GLRA2: variants seen among roughly 807,000 people sequenced by gnomAD.
GLRA2 encodes the protein glycine receptor alpha 2.
GLRA2 carries 11 observed loss-of-function variants against 31.6 expected under a neutral mutation model. The observed-to-expected ratio is 0.35, with a 90% CI of 0.22 to 0.58. The LOEUF is 0.58. GLRA2 is among the 20% of genes least tolerant of loss of function. GLRA2 has a pLI of 0.84. For synonymous variants in GLRA2, 132 were observed against 134.0 expected, an observed-to-expected ratio of 0.99 and a Z score of 0.10; for missense variants, 212 against 351.8, an observed-to-expected ratio of 0.60 and a Z score of 3.18.
the GLRA2 span, among the ~76,000 whole-genome samples, chrX:14,472,553 T>A: frequency 9.0e-6 from 1 of 111,017 alleles, no homozygotes; most frequent in Non-Finnish European, 1.9e-5. Flanking sequence ...TAGGCCCCAG[T>A]GTGTGTTGTT....
rs1216386335 is a variant in GLRA2 at position 14,669,891 on chromosome X, A to C, written c.931-20819A>C. 8.0e-5 allele frequency among the ~76,000 whole-genome samples: 9 copies of C among 112,733 alleles called. No individual in the cohort carries two copies. The East Asian group carries it at 2.5e-3, about 32-fold the overall frequency. ...CCCCTCGACTTATGCAGATTTCTGC[A>C]GACAGCTTGAATTTCTCCTCAGAAA... On this transcript the variant is annotated intron_variant, in intron 7 of 8. Transcript: ENST00000218075.
chrX:14,471,280 A>G, the GLRA2 span, among the ~76,000 whole-genome samples: 1 of 111,986 alleles, frequency 8.9e-6, no homozygotes, highest in Non-Finnish European at 1.9e-5. Flanking sequence ...GGTGATAGAA[A>G]ACCATAACAG....
At chrX:14,644,226 G>C (rs1236288357) in intron 7 of GLRA2, among the ~76,000 whole-genome samples, 4 of 111,482 alleles carry the variant, frequency 3.6e-5, no homozygotes, top group Admixed American at 2.9e-4. Context: ...ATTTTTTTCA[G>C]AAAGATTTCC....
chrX:14,701,473 G>A lies in GLRA2; in HGVS notation c.1080+10614G>A, dbSNP rs146231735. Among the ~76,000 whole-genome samples the A allele has an allele frequency of 3.1e-3, 351 of 111,567 alleles. 1 individual carries two copies. The highest frequency in any genetic ancestry group is 0.01 in the African/African-American group (317 of 30,698). ...CTCTGTGTATGGACCCTGTGTGTCT[G>A]CACAGGTTGCATGCCCGTGAAGCCA... is the stretch of plus-strand genomic sequence containing the variant. On this transcript the variant is annotated intron_variant, in intron 8 of 8. Coordinates refer to ENST00000218075, the MANE Select transcript of GLRA2 (RefSeq NM_002063.4).
At chrX:14,454,015 G>T in the GLRA2 span, among the ~76,000 whole-genome samples, 1 of 111,529 alleles carries the variant, frequency 9.0e-6, no homozygotes, top group Non-Finnish European at 1.9e-5. Flanking sequence ...ATTAGTGGTT[G>T]CCAGGTGTTA....
chrX:14,559,762 G>C (rs757917801), intron 2 of GLRA2, among the ~76,000 whole-genome samples: 3 of 108,851 alleles, frequency 2.8e-5, no homozygotes, highest in African/African-American at 1.0e-4. Context: ...TTTCACTCTT[G>C]TTGCCCAGGC....
intron 1 of GLRA2, chrX:14,531,014 T>C: frequency 1.1e-6 from 1 of 942,326 alleles, no homozygotes. Context: ...CTATGAATAC[T>C]GGGAAAACCC....
At chrX:14,550,824 C>T (rs768242290) in intron 2 of GLRA2, among the ~76,000 whole-genome samples, 12 of 112,067 alleles carry the variant, frequency 1.1e-4, no homozygotes, top group African/African-American at 3.9e-4. Context: ...ATGCACAATT[C>T]TCAGACAAAA....
intron 2 of GLRA2, among the ~76,000 whole-genome samples, chrX:14,546,772 A>T (rs2089486840): frequency 9.0e-6 from 1 of 111,416 alleles, no homozygotes; most frequent in South Asian, 3.8e-4. Flanking sequence ...GTAAGAGTGG[A>T]TTGACATGTG....
At chrX:14,553,252 C>A (rs1265312364) in intron 2 of GLRA2, among the ~76,000 whole-genome samples, 2 of 111,732 alleles carry the variant, frequency 1.8e-5, no homozygotes, top group African/African-American at 3.3e-5. Flanking sequence ...CAATAAAGAG[C>A]AATTATGCAG....
At chrX:14,466,120 T>A in the GLRA2 span, among the ~76,000 whole-genome samples, 1 of 111,983 alleles carries the variant, frequency 8.9e-6, no homozygotes, top group Non-Finnish European at 1.9e-5. Flanking sequence ...TTTATGGTGT[T>A]TCATCCTGGA....
chrX:14,700,934 C>T (rs977553780), intron 8 of GLRA2, among the ~76,000 whole-genome samples: 1 of 109,549 alleles, frequency 9.1e-6, no homozygotes, highest in Non-Finnish European at 1.9e-5. Context: ...GGTGGAGCCA[C>T]TAGCCATACC....
chrX:14,609,264 G>A, intron 7 of GLRA2, 59 bp downstream of exon 7: 1 of 762,794 alleles, frequency 1.3e-6, no homozygotes, highest in Non-Finnish European at 2.0e-6. Context: ...CTTGTGGGCT[G>A]GAGAGTTCTG....
the GLRA2 span, among the ~76,000 whole-genome samples, chrX:14,503,569 C>T: frequency 3.6e-5 from 4 of 111,748 alleles, no homozygotes; most frequent in South Asian, 1.5e-3. Context: ...TCCCTGGCTG[C>T]AATACTTGCC....
chrX:14,535,911 C>T (rs970132241), intron 2 of GLRA2, among the ~76,000 whole-genome samples: 19 of 112,187 alleles, frequency 1.7e-4, no homozygotes, highest in South Asian at 1.5e-3. Flanking sequence ...TGAAACAAAG[C>T]CTTTATCTAT....
chrX:14,693,289 T>G (rs748229967), intron 8 of GLRA2, among the ~76,000 whole-genome samples: 10 of 112,007 alleles, frequency 8.9e-5, no homozygotes, highest in Non-Finnish European at 1.9e-4. Flanking sequence ...GATAAAGATA[T>G]CTCATGCAAA....
intron 2 of GLRA2, among the ~76,000 whole-genome samples, chrX:14,538,885 C>A (rs944269433): frequency 9.0e-6 from 1 of 111,637 alleles, no homozygotes; most frequent in African/African-American, 3.2e-5. Context: ...GGTCTCACAA[C>A]ATGGCAGGTT....
chrX:14,513,889 A>G, the GLRA2 span, among the ~76,000 whole-genome samples: 1 of 112,095 alleles, frequency 8.9e-6, no homozygotes, highest in Non-Finnish European at 1.9e-5. Context: ...TAGAATTACC[A>G]TTTGATCCAG....
the GLRA2 span, among the ~76,000 whole-genome samples, chrX:14,522,764 T>C: frequency 3.6e-5 from 4 of 111,793 alleles, no homozygotes; most frequent in Admixed American, 1.9e-4. Flanking sequence ...TGAGCAGTAA[T>C]ATTTTGAAAG....
Sources: gnomAD v4.1 joint callset for allele counts (sites outside exome capture counted in the v4.1 genomes callset) on GRCh38, gnomAD v4.1.1 for gene constraint, MANE v1.5 for transcripts, NCBI Gene and HGNC (gene_info 2026-07-23, HGNC 2026-07-21) for gene names.